The following AARS1 variants were observed in gnomAD, a reference collection of about 807,000 sequenced individuals.
AARS1 encodes the protein alanine--tRNA ligase, cytoplasmic.
AARS1 carries 72 observed loss-of-function variants against 108.9 expected under a neutral mutation model. The ratio of observed to expected loss-of-function variants is 0.66; its 90% CI spans 0.55 to 0.80. AARS1 has a LOEUF of 0.80. AARS1 is among the 30% of genes least tolerant of loss of function. The probability of loss-of-function intolerance (pLI) is 0.00; values close to 1 mark genes in which losing one functional copy is unlikely to be tolerated. For missense variants in AARS1, 1,193 were observed against 1,233.2 expected, an observed-to-expected ratio of 0.97 and a Z score of 0.49; for synonymous variants, 489 against 465.7, an observed-to-expected ratio of 1.05 and a Z score of -0.64.
At chr16:70,260,612 C>A (rs565158997) in intron 13 of AARS1, among the ~76,000 whole-genome samples, 4 of 152,062 alleles carry the variant, frequency 2.6e-5, no homozygotes, top group African/African-American at 7.3e-5. Context: ...CCACCAAATG[C>A]ACCTAAATTA....
At chr16:70,260,772 C>T (rs1234356762) in intron 13 of AARS1, among the ~76,000 whole-genome samples, 1 of 152,110 alleles carries the variant, frequency 6.6e-6, no homozygotes, top group Non-Finnish European at 1.5e-5. Context: ...ACGCCATTCT[C>T]CTGCCTCAGC....
chr16:70,289,195 C>T (rs1960962741), intron 1 of AARS1, among the ~76,000 whole-genome samples: 1 of 152,036 alleles, frequency 6.6e-6, no homozygotes, highest in African/African-American at 2.4e-5. Flanking sequence ...GGTTGGCAAC[C>T]GTGAGGTATT....
intron 19 of AARS1, 53 bp from the exon 20 acceptor site, chr16:70,253,434 G>A (rs985648891): frequency 2.1e-6 from 3 of 1,439,808 alleles, no homozygotes; most frequent in Non-Finnish European, 2.9e-6. Context: ...ACCCTCACTA[G>A]TGTGAGCATT....
Position 70,265,355 on chromosome 16 carries a change from T to C in AARS1, c.1347+183A>G, listed in dbSNP as rs929091045. 2.8e-6 allele frequency: 3 copies of C among 1,078,244 alleles called. No homozygotes were observed. In the Admixed American group the frequency reaches 5.9e-5, roughly 21 times the overall value. 66.8% of individuals were successfully genotyped at this position (1,078,244 alleles called of 1,614,324 possible). A position where few individuals can be genotyped will look rare whatever the true frequency, so the allele number is the denominator to read the frequency against. On this transcript the variant is annotated intron_variant, in intron 10 of 20. Transcript: ENST00000261772. Reference sequence around the variant, plus strand: ...TGCCCCTAGTTGTGAAAATCAAAAATGTCTTCAGACATTATCGCCAATTAC... The same window carrying C: ...TGCCCCTAGTTGTGAAAATCAAAAACGTCTTCAGACATTATCGCCAATTAC...
At chr16:70,279,608 C>T (rs990789318) in intron 2 of AARS1, among the ~76,000 whole-genome samples, 11 of 142,392 alleles carry the variant, frequency 7.7e-5, no homozygotes, top group African/African-American at 2.4e-4. Flanking sequence ...TGCAGTGAGC[C>T]GAGATTTCAC....
Position 70,268,561 on chromosome 16 carries a change from C to T in AARS1, c.963-182G>A, listed in dbSNP as rs539554449. Reference sequence around the variant, plus strand: ...ACTCAGTAACATACCCACAAATACCCGTCAAGGCTTCCCTAGGGTAAACGC... The same window carrying T: ...ACTCAGTAACATACCCACAAATACCTGTCAAGGCTTCCCTAGGGTAAACGC... On this transcript the variant is annotated intron_variant, in intron 7 of 20. Transcript: ENST00000261772. 2.8e-3 allele frequency among the ~76,000 whole-genome samples: 432 copies of T among 152,284 alleles called. 2 individuals are homozygous for T. The highest frequency in any genetic ancestry group is 3.5e-3 in the Non-Finnish European group (236 of 68,028).
At chr16:70,283,542 A>G (rs1395605053) in intron 1 of AARS1, among the ~76,000 whole-genome samples, 1 of 152,182 alleles carries the variant, frequency 6.6e-6, no homozygotes, top group Non-Finnish European at 1.5e-5. Context: ...CTTCACCAAA[A>G]AAAGGAGGGG....
At chr16:70,257,900 C>T (rs1960028169) in intron 15 of AARS1, 133 bp downstream of exon 15, 28 of 949,672 alleles carry the variant, frequency 2.9e-5, no homozygotes, top group South Asian at 4.2e-5. Context: ...TTCTTGGGAA[C>T]GCTATTTAGC....
chr16:70,272,559 A>G (rs1960435557), intron 4 of AARS1, among the ~76,000 whole-genome samples: 1 of 147,746 alleles, frequency 6.8e-6, no homozygotes, highest in African/African-American at 2.5e-5. Context: ...ACAGCACATG[A>G]CTCTTCTCAA....
intron 4 of AARS1, among the ~76,000 whole-genome samples, chr16:70,273,227 T>C (rs1025067561): frequency 1.3e-5 from 2 of 151,788 alleles, no homozygotes; most frequent in Non-Finnish European, 2.9e-5. Flanking sequence ...GATGAAAGAA[T>C]TAAGTAAAAG....
At chr16:70,281,649 G>C (rs1398972979) in intron 2 of AARS1, among the ~76,000 whole-genome samples, 5 of 152,180 alleles carry the variant, frequency 3.3e-5, no homozygotes, top group African/African-American at 1.2e-4. Flanking sequence ...CTGGACGACA[G>C]CGAGACTCTG....
At chr16:70,254,275 G>C (rs893420314) in intron 17 of AARS1, 14 of 618,376 alleles carry the variant, frequency 2.3e-5, no homozygotes, top group Admixed American at 2.3e-4. Context: ...ACCAGGCTGG[G>C]AACAGCCTGT....
At chr16:70,253,898 A>G in intron 18 of AARS1, 21 bp downstream of exon 18, 2 of 1,614,204 alleles carry the variant, frequency 1.2e-6, no homozygotes, top group Non-Finnish European at 1.7e-6. Flanking sequence ...CACTCTGGCC[A>G]CTGGTGCTGC....
intron 9 of AARS1, among the ~76,000 whole-genome samples, chr16:70,266,833 T>TTTC (rs932080006): frequency 1.3e-5 from 2 of 151,304 alleles, no homozygotes; most frequent in African/African-American, 4.9e-5. Context: ...TACACATCTA[T>TTTC]TTCTTTTTCT....
intron 4 of AARS1, among the ~76,000 whole-genome samples, chr16:70,272,570 G>C (rs1960435806): frequency 2.3e-5 from 3 of 131,864 alleles, no homozygotes; most frequent in Non-Finnish European, 4.7e-5. Flanking sequence ...CTCTTCTCAA[G>C]AGTGCCTACA....
rs113142906 is a variant in AARS1 at position 70,264,731 on chromosome 16, A to AT, written c.1492+226dup. The stretch of plus-strand genomic sequence containing the variant: ...AAAGGGTGTGAGACCCTTCCTACAA[A>AT]TTTTTTTTTTTTACAACTTCCTGTG... On this transcript the variant is annotated intron_variant, in intron 11 of 20. Coordinates refer to ENST00000261772, the MANE Select transcript of AARS1 (RefSeq NM_001605.3). Among the ~76,000 whole-genome samples the AT allele has an allele frequency of 0.077, 11,341 of 147,742 alleles. 1,390 individuals carry two copies. Among genetic ancestry groups the AT allele is most frequent in the African/African-American group, 0.26 (10,600 of 40,638 alleles).
intron 16 of AARS1, among the ~76,000 whole-genome samples, chr16:70,255,416 T>G (rs1959963832): frequency 6.6e-6 from 1 of 152,086 alleles, no homozygotes; most frequent in African/African-American, 2.4e-5. Flanking sequence ...GTCAGGCTGG[T>G]CTCGAACTCT....
In AARS1 at chr16:70,252,469, G is replaced by C. The variant is rs567840201; in HGVS notation, c.*252C>G. 1 of 555,404 alleles carries C rather than the reference G, an allele frequency of 1.8e-6. No individual in the cohort carries two copies. The highest frequency in any genetic ancestry group is 3.1e-5 in the Admixed American group (1 of 32,466). 34.4% of individuals were successfully genotyped at this position (555,404 alleles called of 1,614,324 possible). On this transcript the variant is annotated 3_prime_UTR_variant, in exon 21 of 21. Transcript: ENST00000261772. ...GCGGAAAGCTCAGGTCTGGAGAGCC[G>C]TTATCTATAGATGCGAGCGTGACGA... is the stretch of plus-strand genomic sequence containing the variant.
At chr16:70,267,863 G>T in intron 8 of AARS1, 54 bp from the exon 9 acceptor site, 1 of 1,612,444 alleles carries the variant, frequency 6.2e-7, no homozygotes. Flanking sequence ...ACTGTTCCCT[G>T]CCCCGTCTTA....
Sources: allele counts gnomAD v4.1 joint callset (sites outside exome capture counted in the v4.1 genomes callset), GRCh38; gene constraint gnomAD v4.1.1; transcripts MANE v1.5; gene names NCBI Gene and HGNC (gene_info 2026-07-23, HGNC 2026-07-21).